Variants in ZNF800 observed in about 807,000 individuals in gnomAD.
The protein encoded by ZNF800 is zinc finger protein 800.
A neutral mutation model predicts 59.5 loss-of-function variants in ZNF800; 13 were observed. That is an observed-to-expected ratio of 0.22 (90% CI 0.14 to 0.35). The LOEUF (loss-of-function observed/expected upper bound fraction) is 0.35. Ranked by LOEUF, ZNF800 falls within the 10% of genes least tolerant of loss-of-function variation. The pLI is 1.00. For synonymous variants in ZNF800, 266 were observed against 265.7 expected (o/e 1.00, Z -0.01); for missense variants, 621 against 783.7 (o/e 0.79, Z 2.48).
chr7:127,380,996 C>A (rs2117159336), intron 3 of ZNF800, among the ~76,000 whole-genome samples: 1 of 152,238 alleles, frequency 6.6e-6, no homozygotes, highest in South Asian at 2.1e-4. Flanking sequence ...ATGGCAAGTG[C>A]ATTGCATGTA....
At chr7:127,386,462 T>C (rs560713068) in intron 2 of ZNF800, among the ~76,000 whole-genome samples, 1 of 152,358 alleles carries the variant, frequency 6.6e-6, no homozygotes, top group South Asian at 2.1e-4. Flanking sequence ...GTATACATTC[T>C]TCATGTTTGC....
At chr7:127,388,738 C>T (rs1258629604) in intron 2 of ZNF800, among the ~76,000 whole-genome samples, 1 of 152,192 alleles carries the variant, frequency 6.6e-6, no homozygotes, top group African/African-American at 2.4e-5. Flanking sequence ...AACACATACA[C>T]ATCCTGAGAT....
chr7:127,346,013 A>C (rs1379672659), downstream of ZNF800, among the ~76,000 whole-genome samples: 1 of 151,802 alleles, frequency 6.6e-6, no homozygotes, highest in Admixed American at 6.6e-5. Context: ...ATGATGCAAA[A>C]GAGAGAAAGG....
Position 127,356,255 on chromosome 7 carries a change from C to CTG in ZNF800, n.225-8214_225-8213dup, listed in dbSNP as rs569310339. On this transcript the variant is annotated intron_variant and non_coding_transcript_variant, in intron 1 of 1. Coordinates refer to the ZNF800 transcript ENST00000485577. ...TTATTACATGGATAAAAAGTTGTGT[C>CTG]TGTGTGTGTGTGTGTATGTGTGTGT... Among the ~76,000 whole-genome samples, 84 of 143,776 alleles carry CTG rather than the reference C, an allele frequency of 5.8e-4. 1 individual carries two copies. The highest frequency in any genetic ancestry group is 1.8e-3 in the African/African-American group (73 of 40,564). 94.3% of individuals were successfully genotyped at this position (143,776 alleles called of 152,430 possible).
At chr7:127,347,003 A>C (rs1800078658) in exon 2 of ZNF800, 1 of 152,552 alleles carries the variant, frequency 6.6e-6, no homozygotes, top group African/African-American at 2.4e-5. Context: ...ACTGACTGGG[A>C]GTAGTGCCAG....
At chr7:127,391,431 GA>G (rs1415419444) in intron 2 of ZNF800, 65 bp downstream of exon 2, 3 of 1,516,246 alleles carry the variant, frequency 2.0e-6, no homozygotes, top group African/African-American at 1.4e-5. Context: ...AAAAAAGCTA[GA>G]AAAAAAGAGA....
At chr7:127,349,477 T>G (rs546884116) in intron 1 of ZNF800, among the ~76,000 whole-genome samples, 3 of 152,310 alleles carry the variant, frequency 2.0e-5, no homozygotes, top group African/African-American at 7.2e-5. Context: ...TAAGCTGAAG[T>G]GAGCTCAGAG....
At position 127,373,589 on chromosome 7, in the gene ZNF800, T is replaced by G. The variant is rs1241677556; in HGVS notation, c.1747A>C (p.Lys583Gln). The G allele has an allele frequency of 3.7e-6, 6 of 1,614,062 alleles. No homozygotes were observed. The highest frequency in any genetic ancestry group is 5.1e-6 in the Non-Finnish European group (6 of 1,180,034). Reference protein sequence around the residue: ...AKRGPSRDEAKHSDSKHDGTS... With the variant: ...AKRGPSRDEAQHSDSKHDGTS... ...CCATCATGTTTTGAATCACTATGTT[T>G]TGCTTCATCCCTCGAAGGGCCTCTT... The change falls in exon 5 of 6, where the codon AAA (lysine) becomes CAA (glutamine). Residue 583 changes from lysine (K) to glutamine (Q), a missense_variant. Coordinates refer to ENST00000265827, the MANE Select transcript of ZNF800 (RefSeq NM_176814.5).
chr7:127,380,380 A>G (rs1300443934), intron 3 of ZNF800, among the ~76,000 whole-genome samples: 3 of 152,336 alleles, frequency 2.0e-5, no homozygotes, highest in Admixed American at 6.5e-5. Flanking sequence ...AGATTTTTTA[A>G]ATCTATGTGA....
chr7:127,371,908 G>A (rs918050234), intron 5 of ZNF800, 94 bp from the exon 6 acceptor site: 1 of 614,348 alleles, frequency 1.6e-6, no homozygotes. Flanking sequence ...CTAAAAGATG[G>A]TTTCATCTCA....
intron 3 of ZNF800, among the ~76,000 whole-genome samples, chr7:127,380,816 C>A (rs191263761): frequency 6.6e-6 from 1 of 152,300 alleles, no homozygotes; most frequent in East Asian, 1.9e-4. Context: ...TCTTAGAAAT[C>A]ACCACTTACT....
chr7:127,377,640 A>T lies in ZNF800; in HGVS notation c.158-311T>A, dbSNP rs1419421. Among the ~76,000 whole-genome samples the T allele has an allele frequency of 0.64, 97,396 of 151,862 alleles. 31,648 individuals carry two copies. The highest frequency in any genetic ancestry group is 0.86 in the East Asian group (4,473 of 5,178). On this transcript the variant is annotated intron_variant, in intron 3 of 5. Coordinates refer to ENST00000265827, the MANE Select transcript of ZNF800 (RefSeq NM_176814.5). This position sits in a 1 kb window ranked among gnomAD's most constrained non-coding sequence, Gnocchi z 4.7. ...GGTTAATCATTACAATGAGCTGGGA[A>T]TAAAGATGTACACAGCCCTCCCCTA...
intron 1 of ZNF800, among the ~76,000 whole-genome samples, chr7:127,352,550 C>G (rs1800187605): frequency 6.6e-6 from 1 of 152,192 alleles, no homozygotes; most frequent in African/African-American, 2.4e-5. Flanking sequence ...ACACTGGTTG[C>G]TGAGAGCTGA....
Position 127,359,307 on chromosome 7 carries a change from G to T in ZNF800, n.225-11264C>A, listed in dbSNP as rs374616974. ...TCTCCTGTCATGTATCATAGCCCCAGCATCCCTTCAGCTTCCTATGATCAA... is the reference window on the plus strand; with the variant it reads ...TCTCCTGTCATGTATCATAGCCCCATCATCCCTTCAGCTTCCTATGATCAA... On this transcript the variant is annotated intron_variant and non_coding_transcript_variant, in intron 1 of 1. Transcript: ENST00000485577. Among the ~76,000 whole-genome samples, 6 of 152,048 alleles carry T rather than the reference G, an allele frequency of 3.9e-5. No homozygotes were observed. In the South Asian group the frequency reaches 1.0e-3, roughly 26 times the overall value.
chr7:127,387,568 A>C (rs1801175342), intron 2 of ZNF800, among the ~76,000 whole-genome samples: 2 of 152,240 alleles, frequency 1.3e-5, no homozygotes, highest in Non-Finnish European at 2.9e-5. Flanking sequence ...CCCCAATTTT[A>C]AGAGACACTT....
At chr7:127,380,337 C>T (rs965208121) in intron 3 of ZNF800, among the ~76,000 whole-genome samples, 3 of 152,032 alleles carry the variant, frequency 2.0e-5, no homozygotes, top group Non-Finnish European at 4.4e-5. Flanking sequence ...TACTACAGAG[C>T]TCTATGTATT....
chr7:127,359,569 C>A (rs533243657), intron 1 of ZNF800, among the ~76,000 whole-genome samples: 1 of 152,022 alleles, frequency 6.6e-6, no homozygotes, highest in Admixed American at 6.6e-5. Flanking sequence ...CTAGTCCTAA[C>A]AATATCATAA....
At chr7:127,384,164 T>A (rs145707966) in intron 3 of ZNF800, among the ~76,000 whole-genome samples, 1 of 151,026 alleles carries the variant, frequency 6.6e-6, no homozygotes, top group African/African-American at 2.4e-5. Flanking sequence ...TGGGTACAGG[T>A]TCTTGTTGAT....
chr7:127,345,303 C>CG (rs1037928725), downstream of ZNF800, among the ~76,000 whole-genome samples: 2 of 151,614 alleles, frequency 1.3e-5, no homozygotes, highest in South Asian at 2.1e-4. Flanking sequence ...AGACCCCCCC[C>CG]CCAAAGGTAA....
Sources: allele counts gnomAD v4.1 joint callset (sites outside exome capture counted in the v4.1 genomes callset), GRCh38; gene constraint gnomAD v4.1.1; non-coding constraint Gnocchi (gnomAD v3.1); transcripts MANE v1.5; gene names NCBI Gene and HGNC (gene_info 2026-07-23, HGNC 2026-07-21).